The following ZMYM2 variants were observed in gnomAD, a reference collection of about 807,000 sequenced individuals.
The protein encoded by ZMYM2 is zinc finger MYM-type protein 2.
Under a neutral mutation model 162.8 loss-of-function variants are expected in ZMYM2, and 56 were observed. That is an observed-to-expected ratio of 0.34 (90% CI 0.28 to 0.43). The LOEUF (loss-of-function observed/expected upper bound fraction) is 0.43. Among genes scored for constraint, ZMYM2 ranks in the 20% least tolerant of loss-of-function variants. ZMYM2 has a pLI of 1.00. For missense variants in ZMYM2, 1,275 were observed against 1,621.8 expected (o/e 0.79, Z 3.67); for synonymous variants, 510 against 541.6 (o/e 0.94, Z 0.81).
intron 2 of ZMYM2, among the ~76,000 whole-genome samples, chr13:19,964,093 G>A (rs1044806250): frequency 1.1e-4 from 17 of 152,124 alleles, no homozygotes; most frequent in African/African-American, 4.1e-4. Flanking sequence ...AGAGTAAACT[G>A]GTTGGCCGGG....
intron 2 of ZMYM2, among the ~76,000 whole-genome samples, chr13:19,966,939 A>G (rs898856446): frequency 6.6e-6 from 1 of 152,204 alleles, no homozygotes; most frequent in African/African-American, 2.4e-5. Context: ...CTAGGAAGTC[A>G]TTCCATCCTA....
intron 6 of ZMYM2, among the ~76,000 whole-genome samples, chr13:20,017,058 C>T (rs1213216935): frequency 6.6e-6 from 1 of 152,168 alleles, no homozygotes; most frequent in Non-Finnish European, 1.5e-5. Flanking sequence ...TTACATCAGT[C>T]TTGGCCTCTT....
At chr13:20,046,564 A>AAAAT (rs766574183) in intron 12 of ZMYM2, among the ~76,000 whole-genome samples, 17,200 of 103,530 alleles carry the variant, frequency 0.17, 2,239 homozygotes, top group Admixed American at 0.26. Flanking sequence ...TAAAAAAAAA[A>AAAAT]ATATATATAT....
intron 14 of ZMYM2, among the ~76,000 whole-genome samples, chr13:20,056,484 G>A (rs1048146940): frequency 6.6e-6 from 1 of 152,016 alleles, no homozygotes; most frequent in Non-Finnish European, 1.5e-5. Flanking sequence ...AGGCTTTCAC[G>A]GTGTACCACA....
intron 14 of ZMYM2, among the ~76,000 whole-genome samples, chr13:20,058,100 T>G (rs181793489): frequency 6.6e-6 from 1 of 152,326 alleles, no homozygotes; most frequent in East Asian, 1.9e-4. Context: ...AGTTTGAGGA[T>G]ATCTTTGGTA....
chr13:19,927,184 TG>T, the ZMYM2 span, among the ~76,000 whole-genome samples: 1 of 152,080 alleles, frequency 6.6e-6, no homozygotes, highest in Non-Finnish European at 1.5e-5. Flanking sequence ...AACATGTATT[TG>T]TTATTAAAAA....
intron 21 of ZMYM2, among the ~76,000 whole-genome samples, chr13:20,079,629 C>T (rs1263429781): frequency 6.6e-6 from 1 of 152,068 alleles, no homozygotes; most frequent in Non-Finnish European, 1.5e-5. Context: ...GCATTGCTTC[C>T]CATACTACCA....
intron 6 of ZMYM2, among the ~76,000 whole-genome samples, chr13:20,013,381 T>A (rs185319436): frequency 8.4e-4 from 128 of 152,326 alleles, no homozygotes; most frequent in African/African-American, 2.9e-3. Flanking sequence ...ATGAGTTTCA[T>A]GTCATCTGTG....
intron 2 of ZMYM2, among the ~76,000 whole-genome samples, chr13:19,973,943 G>A (rs1956561075): frequency 6.6e-6 from 1 of 152,046 alleles, no homozygotes; most frequent in African/African-American, 2.4e-5. Flanking sequence ...ATGGCCCAGG[G>A]AAGCCAAAAG....
intron 17 of ZMYM2, among the ~76,000 whole-genome samples, chr13:20,061,562 TG>T (rs1289107092): frequency 6.6e-6 from 1 of 152,094 alleles, no homozygotes; most frequent in Non-Finnish European, 1.5e-5. Context: ...ACTCTTATTT[TG>T]TAATAGTTAT....
chr13:20,085,315 T>C lies in ZMYM2; in HGVS notation c.3942-507T>C, dbSNP rs1404319345. 2.0e-5 allele frequency among the ~76,000 whole-genome samples: 3 copies of C among 152,328 alleles called. No individual in the cohort carries two copies. The East Asian group carries it at 5.8e-4, about 29-fold the overall frequency. On this transcript the variant is annotated intron_variant, in intron 24 of 24. Transcript: ENST00000610343. ...GGGTGGTCCTATTTGGCTGCAGTAG[T>C]GTCAGGGTCTTCAGTTGGTAGTAAC...
At chr13:19,984,975 A>G (rs1408049284) in intron 2 of ZMYM2, among the ~76,000 whole-genome samples, 1 of 152,220 alleles carries the variant, frequency 6.6e-6, no homozygotes, top group East Asian at 1.9e-4. Flanking sequence ...AAAACAAAGG[A>G]GCCAAATAAC....
the ZMYM2 span, among the ~76,000 whole-genome samples, chr13:19,894,743 A>G: frequency 6.6e-6 from 1 of 151,990 alleles, no homozygotes; most frequent in Admixed American, 6.5e-5. Context: ...TTGAATGTGT[A>G]TTGCCTTTGC....
chr13:20,068,924 A>T (rs1956879982), intron 21 of ZMYM2, among the ~76,000 whole-genome samples: 1 of 152,096 alleles, frequency 6.6e-6, no homozygotes, highest in African/African-American at 2.4e-5. Context: ...TAGAAATTTC[A>T]TTTCTGGTAG....
At chr13:20,060,789 CTG>C (rs139498427) in intron 16 of ZMYM2, among the ~76,000 whole-genome samples, 1,842 of 152,230 alleles carry the variant, frequency 0.012, 46 homozygotes, top group African/African-American at 0.042. Context: ...TAGAAGAACA[CTG>C]TGTCAGGGCT....
the ZMYM2 span, among the ~76,000 whole-genome samples, chr13:19,895,457 G>C: frequency 1.3e-5 from 2 of 151,896 alleles, no homozygotes; most frequent in Non-Finnish European, 2.9e-5. Flanking sequence ...GTCCAAGGTA[G>C]AGGTAGGGGC....
Position 20,027,208 on chromosome 13 carries a change from G to A in ZMYM2, c.1741G>A (p.Gly581Arg). 6.4e-7 allele frequency: 1 copy of A among 1,566,118 alleles called. No homozygotes were observed. Among genetic ancestry groups the A allele is most frequent in the African/African-American group, 1.4e-5 (1 of 73,720 alleles). The change falls in exon 9 of 25, where the codon GGA becomes AGA. Residue 581 changes from glycine to arginine, a missense_variant. Physicochemically the swap from Gly to Arg is moderately radical, Grantham distance 125. Around this residue, in one of 10 missense-constraint regions of ZMYM2, gnomAD observed 276 missense variants for 311.8 expected, o/e 0.89. Coordinates refer to ENST00000610343, the MANE Select transcript of ZMYM2 (RefSeq NM_197968.4). Reference protein sequence around the residue: ...KTKYAKSQSLGIICHFCKRNS... With the variant: ...KTKYAKSQSLRIICHFCKRNS... ...ATGTACCTTTTCTTTCCTAGGTTTG[G>A]GAATTATTTGCCATTTTTGTAAGCG...
In ZMYM2 at chr13:20,087,304, C is replaced by A; in HGVS notation, c.*1290C>A. 5.3e-6 allele frequency: 1 copy of A among 188,098 alleles called. No individual in the cohort carries two copies. Among genetic ancestry groups the A allele is most frequent in the East Asian group, 8.5e-5 (1 of 11,782 alleles). 11.7% of individuals were successfully genotyped at this position (188,098 alleles called of 1,614,324 possible). A position where few individuals can be genotyped will look rare whatever the true frequency, so the allele number is the denominator to read the frequency against. ...AAAACAACTTTGTGCTTCTGCATAG[C>A]AATTTATCCATTCAGACCTTTTCTT... is the stretch of plus-strand genomic sequence containing the variant. On this transcript the variant is annotated 3_prime_UTR_variant, in exon 25 of 25. Transcript: ENST00000610343.
chr13:20,025,642 TTTGTTGTTG>T (rs146631931), intron 7 of ZMYM2: 4 of 153,192 alleles, frequency 2.6e-5, no homozygotes, highest in African/African-American at 7.2e-5. Context: ...TTTATCTCCT[TTTGTTGTTG>T]TTGTTGTTGT....
Sources: allele counts gnomAD v4.1 joint callset (sites outside exome capture counted in the v4.1 genomes callset), GRCh38; gene constraint gnomAD v4.1.1; regional missense constraint gnomAD v4.1.1; transcripts MANE v1.5; gene names NCBI Gene and HGNC (gene_info 2026-07-23, HGNC 2026-07-21).